IRAG2: variants seen among roughly 807,000 people sequenced by gnomAD.
IRAG2 encodes the protein lymphoid restricted membrane protein.
IRAG2 carries 45 observed loss-of-function variants against 69.9 expected under a neutral mutation model. The ratio of observed to expected loss-of-function variants is 0.64; its 90% CI spans 0.51 to 0.83. IRAG2 has a LOEUF of 0.83. IRAG2 is among the 40% of genes least tolerant of loss of function. IRAG2 has a pLI of 0.00. For synonymous variants in IRAG2, 193 were observed against 202.4 expected, an observed-to-expected ratio of 0.95 and a Z score of 0.40; for missense variants, 520 against 587.0, an observed-to-expected ratio of 0.89 and a Z score of 1.18.
In IRAG2 at chr12:25,090,115, G is replaced by C; in HGVS notation, c.524G>C (p.Arg175Thr). The C allele has an allele frequency of 9.9e-6, 16 of 1,614,066 alleles. No individual in the cohort carries two copies. Among genetic ancestry groups the C allele is most frequent in the Non-Finnish European group, 1.2e-5 (14 of 1,179,888 alleles). Residue 175 changes from arginine to threonine, a missense_variant, in exon 14 of 22, where the codon AGA becomes ACA. By Grantham distance (71) the Arg-to-Thr change is moderately conservative. Transcript: ENST00000556887. Reference protein sequence around the residue: ...FKCDWFTLEKRVKLEERSRDL... With the variant: ...FKCDWFTLEKTVKLEERSRDL... ...TGTGACTGGTTTACCTTGGAGAAGAGAGTGAAGCTTGAAGAGAGGTCCCGT... is the reference window on the plus strand; with the variant it reads ...TGTGACTGGTTTACCTTGGAGAAGACAGTGAAGCTTGAAGAGAGGTCCCGT...
intron 4 of IRAG2, among the ~76,000 whole-genome samples, chr12:25,064,350 T>A (rs745699892): frequency 2.0e-5 from 3 of 152,076 alleles, no homozygotes; most frequent in Non-Finnish European, 4.4e-5. Context: ...GAAGTAAGAA[T>A]CAAAAGCCTT....
At chr12:25,049,948 A>G (rs1345033943), upstream of IRAG2, among the ~76,000 whole-genome samples, 4 of 130,404 alleles carry the variant, frequency 3.1e-5, no homozygotes, top group Non-Finnish European at 6.2e-5. Flanking sequence ...GTGCCACTGC[A>G]CTCCAACCTG....
intron 5 of IRAG2, among the ~76,000 whole-genome samples, chr12:25,066,951 A>G (rs1946025170): frequency 6.6e-6 from 1 of 152,064 alleles, no homozygotes; most frequent in South Asian, 2.1e-4. Context: ...CGCCCAGCCG[A>G]AAATTTACAA....
At chr12:25,038,180 T>C (rs2139856487) in intron 16 of IRAG2, 1 of 398,400 alleles carries the variant, frequency 2.5e-6, no homozygotes, top group East Asian at 3.6e-5. Context: ...TTTATATACA[T>C]GACATGTTTA....
At position 25,108,319 on chromosome 12, in the gene IRAG2, A is replaced by T; in HGVS notation, c.*259A>T. 1 of 538,822 alleles carries T rather than the reference A, an allele frequency of 1.9e-6. No homozygotes were observed. The highest frequency in any genetic ancestry group is 3.2e-6 in the Non-Finnish European group (1 of 315,838). The allele number at this position is 538,822 out of a possible 1,614,324, so 33.4% of individuals were successfully genotyped here. A position where few individuals can be genotyped will look rare whatever the true frequency, so the allele number is the denominator to read the frequency against. ...TTTGTTAAAGTTTATTGAAATAAAG[A>T]ATCATTTAAATCTTCATAGAGTGAA... is the stretch of plus-strand genomic sequence containing the variant. On this transcript the variant is annotated 3_prime_UTR_variant, in exon 22 of 22. Coordinates refer to ENST00000556887, the MANE Select transcript of IRAG2 (RefSeq NM_001366544.2).
rs977577819 is a variant in IRAG2 at position 25,044,123 on chromosome 12, A to G, written c.2144+5986A>G. On this transcript the variant is annotated intron_variant, in intron 16 of 38. Coordinates refer to the IRAG2 transcript ENST00000636465. ...ATACATAACTAAAAATATGTAAATT[A>G]TGATATCAATAATAAAGTGTTTGAA... Among the ~76,000 whole-genome samples, 10 of 152,322 alleles carry G rather than the reference A, an allele frequency of 6.6e-5. 1 individual carries two copies. The highest frequency in any genetic ancestry group is 2.0e-4 in the Admixed American group (3 of 15,294).
chr12:25,100,000 G>GAAAA (rs56728551), intron 15 of IRAG2, among the ~76,000 whole-genome samples: 2 of 25,674 alleles, frequency 7.8e-5, no homozygotes, highest in African/African-American at 5.7e-4. Flanking sequence ...GACTCCATCT[G>GAAAA]AAAAAAAAAA....
chr12:25,019,039 C>A (rs1944555241), intron 6 of IRAG2, among the ~76,000 whole-genome samples: 1 of 152,166 alleles, frequency 6.6e-6, no homozygotes, highest in East Asian at 1.9e-4. Context: ...GGCTTGTTGG[C>A]TCAGCTGCCA....
intron 6 of IRAG2, among the ~76,000 whole-genome samples, chr12:25,072,209 G>GA (rs886554774): frequency 1.4e-5 from 2 of 147,456 alleles, no homozygotes; most frequent in South Asian, 2.2e-4. Flanking sequence ...CATCTCAAAA[G>GA]AAAAAAAAAG....
the IRAG2 span, among the ~76,000 whole-genome samples, chr12:24,998,474 GA>G: frequency 6.6e-6 from 1 of 152,140 alleles, no homozygotes; most frequent in African/African-American, 2.4e-5. Flanking sequence ...CAAAGAGAAT[GA>G]AAACAGTTTA....
upstream of IRAG2, chr12:25,052,379 A>G (rs1565537070): frequency 2.5e-6 from 1 of 398,572 alleles, no homozygotes; most frequent in East Asian, 3.6e-5. Context: ...CATTAGATTC[A>G]GGGGACATCT....
intron 9 of IRAG2, among the ~76,000 whole-genome samples, chr12:25,079,970 A>G (rs962418875): frequency 4.6e-5 from 7 of 152,244 alleles, no homozygotes; most frequent in African/African-American, 1.7e-4. Context: ...TAAGGATGGT[A>G]TCAATTTTTT....
upstream of IRAG2, among the ~76,000 whole-genome samples, chr12:25,051,115 TCTC>T (rs892093332): frequency 6.6e-5 from 10 of 152,006 alleles, no homozygotes; most frequent in African/African-American, 1.5e-4. Context: ...AGTGGGTAAA[TCTC>T]CTGTTAAATG....
At chr12:25,082,428 G>A (rs11836030) in intron 9 of IRAG2, among the ~76,000 whole-genome samples, 34,526 of 151,448 alleles carry the variant, frequency 0.23, 4,319 homozygotes, top group Admixed American at 0.3. Context: ...GTGAAACCCC[G>A]TCTCTGCAAA....
intron 1 of IRAG2, among the ~76,000 whole-genome samples, chr12:25,061,389 G>A (rs140247868): frequency 4.5e-4 from 68 of 152,312 alleles, no homozygotes; most frequent in African/African-American, 1.6e-3. Context: ...CTGAGTGTGG[G>A]TGGCATGTGC....
intron 16 of IRAG2, among the ~76,000 whole-genome samples, chr12:25,038,959 T>C (rs930564667): frequency 6.6e-6 from 1 of 152,166 alleles, no homozygotes; most frequent in Non-Finnish European, 1.5e-5. Flanking sequence ...GAATAGATGG[T>C]AACAAATATA....
intron 7 of IRAG2, among the ~76,000 whole-genome samples, chr12:25,021,995 G>A (rs922855940): frequency 5.9e-5 from 9 of 152,180 alleles, no homozygotes; most frequent in Non-Finnish European, 1.2e-4. Flanking sequence ...AACTGGTCAA[G>A]AGCCCACGCT....
Position 25,103,995 on chromosome 12 carries a change from A to T in IRAG2, c.997-14A>T. ...ATTTTATCATTTCTTTTAACATTTG[A>T]ACTTCTACTAAAGGTGGCTGGGATG... On this transcript the variant is annotated splice_polypyrimidine_tract_variant and intron_variant, in intron 18 of 21. Coordinates refer to ENST00000556887, the MANE Select transcript of IRAG2 (RefSeq NM_001366544.2). 1 of 1,612,548 alleles carries T rather than the reference A, an allele frequency of 6.2e-7. No individual in the cohort carries two copies. Among genetic ancestry groups the T allele is most frequent in the Non-Finnish European group, 8.5e-7 (1 of 1,178,860 alleles).
intron 16 of IRAG2, 104 bp downstream of exon 16, chr12:25,101,429 C>T (rs1948744789): frequency 1.3e-6 from 1 of 742,826 alleles, no homozygotes; most frequent in African/African-American, 1.8e-5. Context: ...CTTAGGTTAA[C>T]TTTATATTAG....
Sources: allele counts gnomAD v4.1 joint callset (sites outside exome capture counted in the v4.1 genomes callset), GRCh38; gene constraint gnomAD v4.1.1; transcripts MANE v1.5; gene names NCBI Gene and HGNC (gene_info 2026-07-23, HGNC 2026-07-21).